Variants in SNRNP40 observed in about 807,000 individuals in gnomAD.
SNRNP40 encodes U5 small nuclear ribonucleoprotein 40 kDa protein.
In SNRNP40, 21 loss-of-function variants were observed where a neutral mutation model predicts 45.8. The ratio of observed to expected loss-of-function variants is 0.46; its 90% CI spans 0.32 to 0.66. The LOEUF is 0.66. SNRNP40 is among the 30% of genes least tolerant of loss of function. The pLI is 0.03. For missense variants in SNRNP40, 344 were observed against 439.1 expected (o/e 0.78, Z 1.94); for synonymous variants, 142 against 163.8 (o/e 0.87, Z 1.01).
At chr1:31,289,209 C>T (rs1230332740) in intron 4 of SNRNP40, 45 bp downstream of exon 4, 1 of 1,590,506 alleles carries the variant, frequency 6.3e-7, no homozygotes, top group African/African-American at 1.3e-5. Context: ...ATAAGGTTCA[C>T]ATCACATCAC....
intron 5 of SNRNP40, among the ~76,000 whole-genome samples, chr1:31,276,735 G>A (rs980844993): frequency 6.6e-5 from 10 of 151,990 alleles, no homozygotes; most frequent in South Asian, 2.1e-4. Flanking sequence ...AAACAAAAAC[G>A]AAAACGAACC....
intron 6 of SNRNP40, chr1:31,271,101 A>G: frequency 3.7e-6 from 1 of 267,438 alleles, no homozygotes; most frequent in Non-Finnish European, 7.0e-6. Flanking sequence ...TAGAGTTTCT[A>G]ATATCCTGTT....
chr1:31,270,860 C>A (rs1394331984), intron 6 of SNRNP40, among the ~76,000 whole-genome samples: 2 of 152,122 alleles, frequency 1.3e-5, no homozygotes, highest in Non-Finnish European at 2.9e-5. Flanking sequence ...CCCATCCTCC[C>A]ACCCTACAAC....
Position 31,261,513 on chromosome 1 carries a change from G to T in SNRNP40, c.1024+16C>A, listed in dbSNP as rs370124004. ...GATTTCCAGTTTCCCTTTCCCCCTC[G>T]TTGGGACAGACTTACTGATGGGCTC... On this transcript the variant is annotated intron_variant, in intron 9 of 9. Coordinates refer to ENST00000263694, the MANE Select transcript of SNRNP40 (RefSeq NM_004814.3). 7.1e-6 allele frequency: 11 copies of T among 1,560,014 alleles called. No individual in the cohort carries two copies. Among genetic ancestry groups the T allele is most frequent in the Non-Finnish European group, 9.7e-6 (11 of 1,131,188 alleles).
intron 2 of SNRNP40, chr1:31,292,979 C>G (rs1646117568): frequency 2.0e-6 from 1 of 502,102 alleles, no homozygotes; most frequent in Middle Eastern, 5.4e-4. Context: ...GGAAGACATT[C>G]TCAAACCAGA....
chr1:31,270,409 C>T (rs1425106865), intron 6 of SNRNP40, among the ~76,000 whole-genome samples: 2 of 152,016 alleles, frequency 1.3e-5, no homozygotes, highest in Non-Finnish European at 2.9e-5. Context: ...CTGGGCAACA[C>T]AGCAAGATCC....
intron 3 of SNRNP40, among the ~76,000 whole-genome samples, chr1:31,290,682 C>T (rs1202473170): frequency 6.6e-6 from 1 of 151,654 alleles, no homozygotes; most frequent in Non-Finnish European, 1.5e-5. Flanking sequence ...TCGAGACCAT[C>T]CTGGCTAACA....
intron 4 of SNRNP40, among the ~76,000 whole-genome samples, chr1:31,287,273 A>G (rs1456485880): frequency 6.6e-6 from 1 of 152,186 alleles, no homozygotes; most frequent in East Asian, 1.9e-4. Context: ...TACTGACATT[A>G]AAAATAGGAG....
intron 4 of SNRNP40, among the ~76,000 whole-genome samples, chr1:31,287,118 C>CT (rs1279913280): frequency 6.6e-6 from 1 of 152,164 alleles, no homozygotes; most frequent in African/African-American, 2.4e-5. Flanking sequence ...AGCAACATGA[C>CT]TTTTTTTCCT....
In SNRNP40 at chr1:31,259,792, A is replaced by C. The variant is rs755575878; in HGVS notation, c.*280T>G. On this transcript the variant is annotated 3_prime_UTR_variant, in exon 10 of 10. Coordinates refer to ENST00000263694, the MANE Select transcript of SNRNP40 (RefSeq NM_004814.3). ...AAAAATCCCAACCAACAAATTTGTC[A>C]CATTGGGCCTGCATTAGAAAACAGG... 66 of 582,574 alleles carry C rather than the reference A, an allele frequency of 1.1e-4. No homozygotes were observed. The African/African-American group carries it at 1.2e-3, about 11-fold the overall frequency. 36.1% of individuals were successfully genotyped at this position (582,574 alleles called of 1,614,324 possible).
At position 31,260,069 on chromosome 1, in the gene SNRNP40, T is replaced by C. The variant is rs754299856; in HGVS notation, c.*3A>G. The C allele has an allele frequency of 1.2e-6, 2 of 1,608,706 alleles. No homozygotes were observed. The highest frequency in any genetic ancestry group is 2.2e-5 in the South Asian group (2 of 90,914). On this transcript the variant is annotated 3_prime_UTR_variant, in exon 10 of 10. Transcript: ENST00000263694. ...CGGCCTTGGAGTCTTCCAGTCCATA[T>C]CTTCACTGAATCTCTCCCATATACA...
chr1:31,260,925 G>T, intron 9 of SNRNP40: 2 of 927,462 alleles, frequency 2.2e-6, no homozygotes, highest in Non-Finnish European at 2.8e-6. Context: ...AGACTTGATG[G>T]AAGTAAATTT....
intron 8 of SNRNP40, among the ~76,000 whole-genome samples, chr1:31,266,315 G>A (rs1645896609): frequency 1.3e-5 from 2 of 152,306 alleles, no homozygotes; most frequent in Non-Finnish European, 2.9e-5. Context: ...GATGGTGCTT[G>A]TTTCAGTAGG....
chr1:31,260,114 T>C lies in SNRNP40; in HGVS notation c.1032A>G (p.Ser344=). 1 of 1,592,942 alleles carries C rather than the reference T, an allele frequency of 6.3e-7. No individual in the cohort carries two copies. The highest frequency in any genetic ancestry group is 8.6e-7 in the Non-Finnish European group (1 of 1,169,196). Residue 344 remains serine, a synonymous_variant, in exon 10 of 10, where the codon TCA becomes TCG. Transcript: ENST00000263694. ...AFHPDEPIII[S]ASSDKRLYMG... is the part of the protein sequence containing the mutation. ...TATACAGTCTCTTGTCACTCGATGCTGAGATAACTGAGGTAAAAAGAACAG... is the reference window on the plus strand; with the variant it reads ...TATACAGTCTCTTGTCACTCGATGCCGAGATAACTGAGGTAAAAAGAACAG...
At chr1:31,271,723 A>G (rs1424360104) in intron 5 of SNRNP40, among the ~76,000 whole-genome samples, 1 of 151,588 alleles carries the variant, frequency 6.6e-6, no homozygotes, top group East Asian at 1.9e-4. Flanking sequence ...GGCTCGCTGT[A>G]GCCTTGACTT....
At chr1:31,268,545 G>A (rs1645915097) in intron 7 of SNRNP40, among the ~76,000 whole-genome samples, 1 of 152,008 alleles carries the variant, frequency 6.6e-6, no homozygotes, top group Admixed American at 6.6e-5. Flanking sequence ...TGGGATTACA[G>A]CTGTGAGCCA....
chr1:31,281,605 A>C, intron 4 of SNRNP40, 109 bp from the exon 5 acceptor site: 2 of 923,496 alleles, frequency 2.2e-6, no homozygotes, highest in Non-Finnish European at 3.1e-6. Flanking sequence ...CACATCTATA[A>C]TTGGGATCCT....
intron 1 of SNRNP40, among the ~76,000 whole-genome samples, chr1:31,294,856 C>A (rs1174867454): frequency 1.3e-5 from 2 of 151,122 alleles, no homozygotes; most frequent in Non-Finnish European, 3.0e-5. Context: ...GCAGGAGAAT[C>A]GCTTGAACCC....
At chr1:31,291,075 G>A (rs544310497) in intron 3 of SNRNP40, among the ~76,000 whole-genome samples, 101 of 151,378 alleles carry the variant, frequency 6.7e-4, no homozygotes, top group African/African-American at 2.3e-3. Flanking sequence ...GATCACCTGC[G>A]GTTGGGAGTT....
Sources: allele counts gnomAD v4.1 joint callset (sites outside exome capture counted in the v4.1 genomes callset), GRCh38; gene constraint gnomAD v4.1.1; transcripts MANE v1.5; gene names NCBI Gene and HGNC (gene_info 2026-07-23, HGNC 2026-07-21).